TTC23L: variants seen among roughly 807,000 people sequenced by gnomAD.
The protein encoded by TTC23L is tetratricopeptide repeat domain 23 like.
A neutral mutation model predicts 48.1 loss-of-function variants in TTC23L; 42 were observed. That is an observed-to-expected ratio of 0.87 (90% confidence interval 0.68 to 1.13). The LOEUF (loss-of-function observed/expected upper bound fraction) is 1.13, where lower values mean the gene tolerates loss of function less well. Ranked by LOEUF, TTC23L falls within the 50% of genes most tolerant of loss-of-function variation. The probability of loss-of-function intolerance (pLI) is 0.00; values close to 1 mark genes in which losing one functional copy is unlikely to be tolerated. For synonymous variants in TTC23L, 159 were observed against 157.2 expected, an observed-to-expected ratio of 1.01 and a Z score of -0.09; for missense variants, 391 against 421.0, an observed-to-expected ratio of 0.93 and a Z score of 0.62.
chr5:34,888,609 A>AACC, intron 9 of TTC23L: 4 of 766,016 alleles, frequency 5.2e-6, no homozygotes, highest in Non-Finnish European at 6.4e-6. Context: ...CTCCCAGTTC[A>AACC]ACCAGGTAGG....
intron 9 of TTC23L, among the ~76,000 whole-genome samples, chr5:34,889,309 G>A (rs181392737): frequency 4.8e-4 from 73 of 152,044 alleles, no homozygotes; most frequent in Non-Finnish European, 9.3e-4. Flanking sequence ...CTCAGTCTTG[G>A]AGATTTGGAC....
intron 4 of TTC23L, among the ~76,000 whole-genome samples, chr5:34,859,840 C>CTTTTTTTTTTTTTTTTTTTTTTTTTT (rs10590697): frequency 2.1e-5 from 2 of 95,362 alleles, no homozygotes; most frequent in African/African-American, 3.5e-5. Flanking sequence ...TTTTCTTCTT[C>CTTTTTTTTTTTTTTTTTTTTTTTTTT]TTTTTTTTTT....
At chr5:34,924,891 T>G in the TTC23L span, 3 of 1,608,544 alleles carry the variant, frequency 1.9e-6, no homozygotes, top group African/African-American at 2.7e-5. Context: ...GACCTCGTTT[T>G]GTCTTAAATC....
At chr5:34,925,063 T>G in the TTC23L span, 1 of 1,506,618 alleles carries the variant, frequency 6.6e-7, no homozygotes, top group Non-Finnish European at 8.9e-7. Context: ...TTTTATTACC[T>G]GTGAAACTGA....
chr5:34,911,503 G>C, the TTC23L span: 1 of 1,570,480 alleles, frequency 6.4e-7, no homozygotes, highest in Non-Finnish European at 8.6e-7. Flanking sequence ...TGTCTAAGTG[G>C]GAAGATGGAG....
chr5:34,840,235 C>T (rs1758503403), intron 1 of TTC23L, among the ~76,000 whole-genome samples: 1 of 45,984 alleles, frequency 2.2e-5, no homozygotes, highest in Admixed American at 1.9e-4. Flanking sequence ...GTGAAATGAC[C>T]CCGGGGGGGG....
downstream of TTC23L, among the ~76,000 whole-genome samples, chr5:34,899,888 C>CA (rs201545220): frequency 1.5e-4 from 22 of 151,658 alleles, no homozygotes; most frequent in East Asian, 7.7e-4. Context: ...GACTGCGTCT[C>CA]AAAAAAAACA....
At chr5:34,875,495 A>T (rs917416398) in intron 8 of TTC23L, among the ~76,000 whole-genome samples, 1 of 152,248 alleles carries the variant, frequency 6.6e-6, no homozygotes, top group Non-Finnish European at 1.5e-5. Context: ...AGGCTAAGCC[A>T]GTCTAATCTT....
rs1156709677 is a variant in TTC23L at position 34,846,561 on chromosome 5, C to CAAAAAAAAAAAAA, written c.255+892_255+904dup. 2.2e-3 allele frequency among the ~76,000 whole-genome samples: 69 copies of CAAAAAAAAAAAAA among 31,554 alleles called. 10 individuals are homozygous for CAAAAAAAAAAAAA. The highest frequency in any genetic ancestry group is 4.6e-3 in the African/African-American group (38 of 8,234). 20.7% of individuals were successfully genotyped at this position (31,554 alleles called of 152,430 possible). The stretch of plus-strand genomic sequence containing the variant: ...GGCCGACAACAGCTAGACTCTGTCT[C>CAAAAAAAAAAAAA]AAAAAAAAAAAAAAAATATATATAT... On this transcript the variant is annotated intron_variant, in intron 3 of 10. Transcript: ENST00000505624.
the TTC23L span, chr5:34,915,069 GC>G: frequency 8.1e-6 from 5 of 618,392 alleles, no homozygotes; most frequent in Non-Finnish European, 1.4e-5. Context: ...GGCTGACCAG[GC>G]CGAACCCCAC....
chr5:34,875,127 A>G (rs1761737123), intron 8 of TTC23L, among the ~76,000 whole-genome samples: 1 of 152,232 alleles, frequency 6.6e-6, no homozygotes. Flanking sequence ...ATTACATATG[A>G]TAAAGGGGTC....
intron 9 of TTC23L, among the ~76,000 whole-genome samples, chr5:34,892,209 TACCTC>T (rs1762913073): frequency 1.3e-5 from 2 of 152,226 alleles, no homozygotes; most frequent in African/African-American, 4.8e-5. Flanking sequence ...TCCTGCTTCT[TACCTC>T]ACCTCTTCCG....
chr5:34,911,963 C>T, the TTC23L span: 1 of 920,868 alleles, frequency 1.1e-6, no homozygotes, highest in Non-Finnish European at 1.7e-6. Flanking sequence ...TGACATCTTC[C>T]CTGATGACAG....
At chr5:34,850,220 C>T (rs1759558181) in exon 4 of TTC23L, 1 of 1,613,924 alleles carries the variant, frequency 6.2e-7, no homozygotes, top group East Asian at 2.2e-5. Context: ...TTCGATGTGT[C>T]ATCCTTTCTC....
At chr5:34,903,482 T>G (rs1763561026), downstream of TTC23L, among the ~76,000 whole-genome samples, 1 of 152,088 alleles carries the variant, frequency 6.6e-6, no homozygotes, top group South Asian at 2.1e-4. Context: ...GACACAGCAT[T>G]ATTACCCAAG....
chr5:34,854,233 G>C (rs186602333), intron 4 of TTC23L, among the ~76,000 whole-genome samples: 67 of 152,284 alleles, frequency 4.4e-4, no homozygotes, highest in African/African-American at 1.6e-3. Context: ...CTGTACGAGA[G>C]ACTTTTTTGT....
the TTC23L span, chr5:34,906,582 T>C: frequency 2.6e-5 from 4 of 151,898 alleles, no homozygotes; most frequent in African/African-American, 9.7e-5. Flanking sequence ...GAGGCTGGAG[T>C]GAACTGTAAT....
At chr5:34,900,678 T>C (rs1411789014), downstream of TTC23L, among the ~76,000 whole-genome samples, 1 of 152,240 alleles carries the variant, frequency 6.6e-6, no homozygotes, top group East Asian at 1.9e-4. Context: ...TGTAATGTCA[T>C]GACTTCTACT....
At chr5:34,909,261 T>C in the TTC23L span, 3 of 1,599,306 alleles carry the variant, frequency 1.9e-6, no homozygotes, top group South Asian at 1.1e-5. Context: ...AACTGACCTG[T>C]TGACTTGGGT....
Sources: gnomAD v4.1 joint callset for allele counts (sites outside exome capture counted in the v4.1 genomes callset) on GRCh38, gnomAD v4.1.1 for gene constraint, MANE v1.5 for transcripts, NCBI Gene and HGNC (gene_info 2026-07-23, HGNC 2026-07-21) for gene names.